The following UGT8 variants were observed in gnomAD, a reference collection of about 807,000 sequenced individuals.
The protein encoded by UGT8 is UDP glycosyltransferase 8.
Under a neutral mutation model 40.5 loss-of-function variants are expected in UGT8, and 12 were observed. The ratio of observed to expected loss-of-function variants is 0.30; its 90% CI spans 0.19 to 0.48. The LOEUF is 0.48. Among genes scored for constraint, UGT8 ranks in the 20% least tolerant of loss-of-function variants. The pLI, the probability that UGT8 is intolerant of heterozygous loss-of-function variation, is 0.99. For synonymous variants in UGT8, 224 were observed against 240.4 expected, an observed-to-expected ratio of 0.93 and a Z score of 0.63; for missense variants, 513 against 648.7, an observed-to-expected ratio of 0.79 and a Z score of 2.27.
intron 2 of UGT8, among the ~76,000 whole-genome samples, chr4:114,626,811 C>T (rs1266111666): frequency 6.6e-6 from 1 of 152,202 alleles, no homozygotes; most frequent in East Asian, 1.9e-4. Context: ...CATGCAGAGA[C>T]AGCAGTTTTT....
At chr4:114,605,642 T>TG (rs1206754704) in intron 1 of UGT8, among the ~76,000 whole-genome samples, 2 of 152,138 alleles carry the variant, frequency 1.3e-5, no homozygotes, top group African/African-American at 4.8e-5. Context: ...GTAAAAACTG[T>TG]GGGGCTAATT....
intron 2 of UGT8, among the ~76,000 whole-genome samples, chr4:114,628,425 C>T (rs893552671): frequency 6.6e-6 from 1 of 152,140 alleles, no homozygotes; most frequent in African/African-American, 2.4e-5. Flanking sequence ...CAGGCATGAG[C>T]CACTGCCCCA....
At chr4:114,608,666 T>C (rs1352699314) in intron 1 of UGT8, among the ~76,000 whole-genome samples, 1 of 152,206 alleles carries the variant, frequency 6.6e-6, no homozygotes, top group East Asian at 1.9e-4. Flanking sequence ...AAAATTATAA[T>C]GGTTTAGTGG....
intron 1 of UGT8, among the ~76,000 whole-genome samples, chr4:114,618,206 T>G (rs1731559991): frequency 1.3e-5 from 2 of 152,214 alleles, no homozygotes; most frequent in South Asian, 4.1e-4. Flanking sequence ...GGCTTTATAG[T>G]GGTTTCTGGC....
At chr4:114,600,163 C>G (rs1221235498) in intron 1 of UGT8, among the ~76,000 whole-genome samples, 1 of 152,050 alleles carries the variant, frequency 6.6e-6, no homozygotes, top group African/African-American at 2.4e-5. Context: ...CGGTATCAAA[C>G]CAGGCGTGCT....
chr4:114,618,666 T>G (rs1413999625), intron 1 of UGT8, among the ~76,000 whole-genome samples: 1 of 152,222 alleles, frequency 6.6e-6, no homozygotes. Flanking sequence ...ATCTAATATT[T>G]GTAAAAGCAA....
intron 2 of UGT8, chr4:114,663,606 A>T: frequency 1.2e-6 from 1 of 817,490 alleles, no homozygotes; most frequent in South Asian, 5.6e-5. Context: ...TACATTAACA[A>T]ATTTTTGCCA....
Position 114,633,742 on chromosome 4 carries a change from G to C in UGT8, c.822+10040G>C, listed in dbSNP as rs549494916. ...GGGCAGATCAAGAGGTCAGGAGTTC[G>C]AGACCAGCCTGACCAACTTGGTGAA... is the stretch of plus-strand genomic sequence containing the variant. On this transcript the variant is annotated intron_variant, in intron 2 of 5. Coordinates refer to ENST00000310836, the MANE Select transcript of UGT8 (RefSeq NM_001128174.3). 3.9e-5 allele frequency among the ~76,000 whole-genome samples: 6 copies of C among 152,258 alleles called. No homozygotes were observed. The East Asian group carries it at 1.2e-3, about 29-fold the overall frequency.
chr4:114,652,928 A>C (rs1250949711), intron 2 of UGT8, among the ~76,000 whole-genome samples: 3 of 152,050 alleles, frequency 2.0e-5, no homozygotes, highest in Admixed American at 2.0e-4. Context: ...TAGTACATGG[A>C]AGAGTACACA....
At chr4:114,661,830 C>T (rs901674541) in intron 2 of UGT8, among the ~76,000 whole-genome samples, 4 of 152,124 alleles carry the variant, frequency 2.6e-5, no homozygotes, top group African/African-American at 7.2e-5. Context: ...CTGAAGGAAA[C>T]ATGATGAATA....
At chr4:114,617,099 C>G (rs1427286827) in intron 1 of UGT8, among the ~76,000 whole-genome samples, 1 of 152,022 alleles carries the variant, frequency 6.6e-6, no homozygotes, top group Non-Finnish European at 1.5e-5. Flanking sequence ...AAAAAAAATA[C>G]AAAAATTAGT....
chr4:114,661,439 C>T (rs1020155890), intron 2 of UGT8, among the ~76,000 whole-genome samples: 2 of 152,090 alleles, frequency 1.3e-5, no homozygotes, highest in African/African-American at 2.4e-5. Context: ...AACCACTGGA[C>T]GATATCAGTA....
chr4:114,618,463 T>C (rs1731574881), intron 1 of UGT8, among the ~76,000 whole-genome samples: 1 of 152,200 alleles, frequency 6.6e-6, no homozygotes, highest in South Asian at 2.1e-4. Context: ...ACTGTAGCCC[T>C]GTCAATGCCT....
intron 4 of UGT8, among the ~76,000 whole-genome samples, chr4:114,666,762 A>G (rs1052168676): frequency 6.6e-6 from 1 of 151,926 alleles, no homozygotes; most frequent in Non-Finnish European, 1.5e-5. Context: ...GTGAGGCTCT[A>G]CTGCAAGGTC....
intron 1 of UGT8, among the ~76,000 whole-genome samples, chr4:114,616,586 C>T (rs546867382): frequency 1.2e-3 from 178 of 152,150 alleles, no homozygotes; most frequent in African/African-American, 3.9e-3. Context: ...GGCTCATGCT[C>T]GGTGTGTTGC....
At chr4:114,611,942 T>G (rs1731119195) in intron 1 of UGT8, among the ~76,000 whole-genome samples, 1 of 152,130 alleles carries the variant, frequency 6.6e-6, no homozygotes, top group African/African-American at 2.4e-5. Context: ...AGGCCCCACA[T>G]GTGTGTTTGA....
At position 114,601,829 on chromosome 4, in the gene UGT8, G is replaced by GTT. The variant is rs58806720; in HGVS notation, c.-3+2868_-3+2869dup. 6.7e-3 allele frequency among the ~76,000 whole-genome samples: 942 copies of GTT among 140,486 alleles called. 13 individuals are homozygous for GTT. The highest frequency in any genetic ancestry group is 0.023 in the African/African-American group (893 of 38,640). The allele number at this position is 140,486 out of a possible 152,430, so 92.2% of individuals were successfully genotyped here. A position where few individuals can be genotyped will look rare whatever the true frequency, so the allele number is the denominator to read the frequency against. On this transcript the variant is annotated intron_variant, in intron 1 of 5. Coordinates refer to ENST00000310836, the MANE Select transcript of UGT8 (RefSeq NM_001128174.3). The stretch of plus-strand genomic sequence containing the variant: ...ACAGAAGTACCATTCTTCTTTTTAT[G>GTT]TTTTTTTTTTTTTTCTGGGTCCTCT...
At chr4:114,654,382 A>G (rs1186674015) in intron 2 of UGT8, among the ~76,000 whole-genome samples, 1 of 152,044 alleles carries the variant, frequency 6.6e-6, no homozygotes. Context: ...ATGAAGATGC[A>G]TTAGAGACAT....
chr4:114,623,004 G>A lies in UGT8; in HGVS notation c.124G>A (p.Ala42Thr), dbSNP rs1206560843. The A allele has an allele frequency of 1.2e-6, 2 of 1,614,078 alleles. No individual in the cohort carries two copies. Among genetic ancestry groups the A allele is most frequent in the Non-Finnish European group, 1.7e-6 (2 of 1,180,004 alleles). Residue 42 changes from alanine to threonine, a missense_variant, in exon 2 of 6, where the codon GCC becomes ACC. Transcript: ENST00000310836. Reference protein sequence around the residue: ...ESHMYIFKTLASALHERGHHT... With the variant: ...ESHMYIFKTLTSALHERGHHT... Reference sequence around the variant, plus strand: ...CCATATGTACATTTTCAAGACGCTAGCCTCAGCCTTGCACGAGAGAGGCCA... The same window carrying A: ...CCATATGTACATTTTCAAGACGCTAACCTCAGCCTTGCACGAGAGAGGCCA...
Sources: gnomAD v4.1 joint callset for allele counts (sites outside exome capture counted in the v4.1 genomes callset) on GRCh38, gnomAD v4.1.1 for gene constraint, MANE v1.5 for transcripts, NCBI Gene and HGNC (gene_info 2026-07-23, HGNC 2026-07-21) for gene names.